DYNC1H1: variants seen among roughly 807,000 people sequenced by gnomAD.
The protein encoded by DYNC1H1 is cytoplasmic dynein 1 heavy chain 1.
In DYNC1H1, 51 loss-of-function variants were observed where a neutral mutation model predicts 527.1. The observed-to-expected ratio is 0.10, with a 90% CI of 0.08 to 0.12. The LOEUF is 0.12. DYNC1H1 is among the 10% of genes least tolerant of loss of function. DYNC1H1 has a pLI of 1.00. For missense variants in DYNC1H1, 2,771 were observed against 5,971.8 expected, an observed-to-expected ratio of 0.46 and a Z score of 17.66; for synonymous variants, 2,189 against 2,278.8, an observed-to-expected ratio of 0.96 and a Z score of 1.12.
At position 101,994,285 on chromosome 14, in the gene DYNC1H1, T is replaced by C; in HGVS notation, c.3117T>C (p.Ala1039=). The C allele has an allele frequency of 6.2e-7, 1 of 1,614,232 alleles. No homozygotes were observed. Among genetic ancestry groups the C allele is most frequent in the Non-Finnish European group, 8.5e-7 (1 of 1,180,044 alleles). Residue 1039 remains alanine (A), a synonymous_variant, in exon 12 of 78, where the codon GCT becomes GCC. Transcript: ENST00000360184. ...GPVALEESYS[A]VMGIVSEVEQ... Reference sequence around the variant, plus strand: ...TTGCCCTGGAAGAGTCGTATTCTGCTGTCATGGGCATTGTATCTGAAGTTG... The same window carrying C: ...TTGCCCTGGAAGAGTCGTATTCTGCCGTCATGGGCATTGTATCTGAAGTTG...
rs1211514199 is a variant in DYNC1H1 at position 102,002,412 on chromosome 14, C to T, written c.4543-125C>T. 1 of 1,349,354 alleles carries T rather than the reference C, an allele frequency of 7.4e-7. No individual in the cohort carries two copies. The highest frequency in any genetic ancestry group is 1.1e-6 in the Non-Finnish European group (1 of 950,688). 83.6% of individuals were successfully genotyped at this position (1,349,354 alleles called of 1,614,324 possible). ...AGGCGTGAGCCACCACACCCGTCTA[C>T]TTGTTGTTTAAAATGTGAATCAGAT... is the stretch of plus-strand genomic sequence containing the variant. On this transcript the variant is annotated intron_variant, in intron 21 of 77. Transcript: ENST00000360184. This position sits in a 1 kb window ranked among gnomAD's most constrained non-coding sequence, Gnocchi z 4.4.
rs1272503558 is a variant in DYNC1H1, at chr14:102,039,961, C to T, written c.11690+229C>T. Among the ~76,000 whole-genome samples the T allele has an allele frequency of 6.6e-6, 1 of 152,186 alleles. No individual in the cohort carries two copies. The highest frequency in any genetic ancestry group is 1.9e-4 in the East Asian group (1 of 5,202). On this transcript the variant is annotated intron_variant, in intron 62 of 77. Transcript: ENST00000360184. The surrounding 1 kb of genome is among the most constrained non-coding windows in gnomAD (Gnocchi z 7.0). ...CAAGCAATTCTCCTGCTTCAGTCTC[C>T]GAAGTAGCTAGGACTATAGGCGCAG...
At position 102,042,343 on chromosome 14, in the gene DYNC1H1, G is replaced by A; in HGVS notation, c.12276-41G>A. 6.2e-7 allele frequency: 1 copy of A among 1,614,190 alleles called. No homozygotes were observed. Among genetic ancestry groups the A allele is most frequent in the Non-Finnish European group, 8.5e-7 (1 of 1,180,046 alleles). ...CCTTAGTCCCCAGGCATTCAGGCAG[G>A]CAGCCTGGCATGCTGTGTGACTCTC... On this transcript the variant is annotated intron_variant, in intron 67 of 77. Transcript: ENST00000360184. The surrounding 1 kb of genome is among the most constrained non-coding windows in gnomAD (Gnocchi z 5.7).
At position 102,012,617 on chromosome 14, in the gene DYNC1H1, C is replaced by G. The variant is rs1355962924; in HGVS notation, c.7014+147C>G. ...TAAGTAATTTTCAAAGATAGCATCT[C>G]AACTGCTAGATTTTTTTTCCATTTC... On this transcript the variant is annotated intron_variant, in intron 34 of 77. Coordinates refer to ENST00000360184, the MANE Select transcript of DYNC1H1 (RefSeq NM_001376.5). This position sits in a 1 kb window ranked among gnomAD's most constrained non-coding sequence, Gnocchi z 4.9. 8.9e-7 allele frequency: 1 copy of G among 1,124,676 alleles called. No homozygotes were observed. Among genetic ancestry groups the G allele is most frequent in the Non-Finnish European group, 1.3e-6 (1 of 759,038 alleles). The allele number at this position is 1,124,676 out of a possible 1,614,324, so 69.7% of individuals were successfully genotyped here. A position where few individuals can be genotyped will look rare whatever the true frequency, so the allele number is the denominator to read the frequency against.
rs918074316 is a variant in DYNC1H1, at chr14:102,049,955, T to C, written c.13684+73T>C. 4.0e-6 allele frequency: 6 copies of C among 1,510,630 alleles called. No individual in the cohort carries two copies. The highest frequency in any genetic ancestry group is 5.3e-6 in the Non-Finnish European group (6 of 1,130,102). 93.6% of individuals were successfully genotyped at this position (1,510,630 alleles called of 1,614,324 possible). On this transcript the variant is annotated intron_variant, in intron 76 of 77. Coordinates refer to ENST00000360184, the MANE Select transcript of DYNC1H1 (RefSeq NM_001376.5). This position sits in a 1 kb window ranked among gnomAD's most constrained non-coding sequence, Gnocchi z 5.5. Reference sequence around the variant, plus strand: ...GTGGCCTGAGACCATTGTTCCCAGATACATGCACTTAGGGTGACCGGCTGG... The same window carrying C: ...GTGGCCTGAGACCATTGTTCCCAGACACATGCACTTAGGGTGACCGGCTGG...
Position 102,000,637 on chromosome 14 carries a change from T to C in DYNC1H1, c.4074+238T>C, listed in dbSNP as rs17540971. 2,784 of 509,376 alleles carry C rather than the reference T, an allele frequency of 5.5e-3. 60 individuals carry two copies. Among genetic ancestry groups the C allele is most frequent in the Admixed American group, 0.033 (1,025 of 31,244 alleles). The allele number at this position is 509,376 out of a possible 1,614,324, so 31.6% of individuals were successfully genotyped here. On this transcript the variant is annotated intron_variant, in intron 18 of 77. Coordinates refer to ENST00000360184, the MANE Select transcript of DYNC1H1 (RefSeq NM_001376.5). ...TTGCCCAGGCTGGAGTGCAATGGCA[T>C]GATCTCGGCTCACTGCAACCTCCGC...
At chr14:102,034,295 A>T (rs2048545211) in intron 55 of DYNC1H1, 30 bp from the exon 56 acceptor site, 7 of 1,614,124 alleles carry the variant, frequency 4.3e-6, no homozygotes, top group Non-Finnish European at 5.9e-6. Flanking sequence ...GGCTGTGAAG[A>T]GGAGGAAAGG....
At chr14:102,023,153 A>C (rs1383901373) in intron 43 of DYNC1H1, 2 of 426,726 alleles carry the variant, frequency 4.7e-6, no homozygotes, top group Non-Finnish European at 8.8e-6. Flanking sequence ...TGGTCCCAGC[A>C]ACTTGGGAGG....
chr14:102,015,465 G>A lies in DYNC1H1; in HGVS notation c.7242+133G>A, dbSNP rs1160294721. The stretch of plus-strand genomic sequence containing the variant: ...TCCACCTGCCTTGGCCTCTCAAAGT[G>A]CTGGGATTACAGGCATGAGTCACTG... On this transcript the variant is annotated intron_variant, in intron 35 of 77. Transcript: ENST00000360184. The surrounding 1 kb of genome is among the most constrained non-coding windows in gnomAD (Gnocchi z 6.9). The A allele has an allele frequency of 1.9e-5, 21 of 1,077,030 alleles. No homozygotes were observed. Among genetic ancestry groups the A allele is most frequent in the Non-Finnish European group, 1.7e-5 (13 of 756,550 alleles). 66.7% of individuals were successfully genotyped at this position (1,077,030 alleles called of 1,614,324 possible).
In DYNC1H1 at chr14:101,983,692, G is replaced by A. The variant is rs867582389; in HGVS notation, c.1461+83G>A. On this transcript the variant is annotated intron_variant, in intron 7 of 77. Coordinates refer to ENST00000360184, the MANE Select transcript of DYNC1H1 (RefSeq NM_001376.5). The surrounding 1 kb of genome is among the most constrained non-coding windows in gnomAD (Gnocchi z 5.3). ...TTGGTGTTTTTTTTTTGTTGTTGTT[G>A]TTGAGATGAAGTTTCACTCTTGTTG... 54 of 1,457,450 alleles carry A rather than the reference G, an allele frequency of 3.7e-5. No homozygotes were observed. Among genetic ancestry groups the A allele is most frequent in the Middle Eastern group, 2.3e-4 (1 of 4,362 alleles). The allele number at this position is 1,457,450 out of a possible 1,614,324, so 90.3% of individuals were successfully genotyped here. A position where few individuals can be genotyped will look rare whatever the true frequency, so the allele number is the denominator to read the frequency against.
At chr14:102,024,422 G>A (rs56286089) in intron 43 of DYNC1H1, among the ~76,000 whole-genome samples, 18,650 of 152,096 alleles carry the variant, frequency 0.12, 1,874 homozygotes, top group African/African-American at 0.28. Context: ...GATAACTCAG[G>A]CTGGGAAGAG....
At chr14:101,996,953 C>T (rs193068917) in intron 15 of DYNC1H1, 82 bp from the exon 16 acceptor site, 34 of 1,541,222 alleles carry the variant, frequency 2.2e-5, no homozygotes, top group Admixed American at 9.8e-5. Context: ...TATAAAGTGC[C>T]TTCTCTTTCA....
chr14:102,044,714 C>T lies in DYNC1H1; in HGVS notation c.13006+16C>T. ...ACCACACAGGGTAGGCAACAAGGAT[C>T]CTCCCCACACGCAGGGTGGGTGGCG... On this transcript the variant is annotated intron_variant, in intron 72 of 77. Transcript: ENST00000360184. The surrounding 1 kb of genome is among the most constrained non-coding windows in gnomAD (Gnocchi z 7.1). The T allele has an allele frequency of 1.9e-6, 3 of 1,612,982 alleles. No homozygotes were observed. Among genetic ancestry groups the T allele is most frequent in the Non-Finnish European group, 2.5e-6 (3 of 1,179,936 alleles).
At chr14:101,994,065 T>C (rs2048028270) in intron 11 of DYNC1H1, 119 bp from the exon 12 acceptor site, 1 of 1,486,896 alleles carries the variant, frequency 6.7e-7, no homozygotes, top group Non-Finnish European at 9.4e-7. Flanking sequence ...ATGTTATCCC[T>C]TAAATGCCAT....
Position 101,986,906 on chromosome 14 carries a change from C to G in DYNC1H1, c.2538+143C>G, listed in dbSNP as rs1374261538. On this transcript the variant is annotated intron_variant, in intron 8 of 77. Coordinates refer to ENST00000360184, the MANE Select transcript of DYNC1H1 (RefSeq NM_001376.5). The surrounding 1 kb of genome is among the most constrained non-coding windows in gnomAD (Gnocchi z 8.7). ...CATGTGAGCTGCAAGGGAGGAGGAC[C>G]CTTTGTACTCACCGGGCTATTTAAT... 1.7e-5 allele frequency: 18 copies of G among 1,035,212 alleles called. No individual in the cohort carries two copies. The highest frequency in any genetic ancestry group is 2.5e-5 in the Non-Finnish European group (17 of 671,228). The allele number at this position is 1,035,212 out of a possible 1,614,324, so 64.1% of individuals were successfully genotyped here.
intron 44 of DYNC1H1, 130 bp downstream of exon 44, chr14:102,026,837 C>A: frequency 7.4e-7 from 1 of 1,358,208 alleles, no homozygotes; most frequent in Non-Finnish European, 1.0e-6. Flanking sequence ...AAGCAGCTTC[C>A]CCCTTCTCTT....
In DYNC1H1 at chr14:102,001,432, C is replaced by A. The variant is rs372841424; in HGVS notation, c.4395+78C>A. On this transcript the variant is annotated intron_variant, in intron 20 of 77. Coordinates refer to ENST00000360184, the MANE Select transcript of DYNC1H1 (RefSeq NM_001376.5). The surrounding 1 kb of genome is among the most constrained non-coding windows in gnomAD (Gnocchi z 5.0). ...AGATCTGAGCTATGTAAAAATGGAG[C>A]CTTGTCATCTGTGGTCCTTTTGGTT... 24 of 1,612,538 alleles carry A rather than the reference C, an allele frequency of 1.5e-5. No homozygotes were observed. The highest frequency in any genetic ancestry group is 1.9e-5 in the Non-Finnish European group (22 of 1,178,860).
chr14:101,989,610 C>T lies in DYNC1H1; in HGVS notation c.2868+758C>T, dbSNP rs17512138. 5.5e-3 allele frequency among the ~76,000 whole-genome samples: 843 copies of T among 152,296 alleles called. 17 individuals are homozygous for T. Among genetic ancestry groups the T allele is most frequent in the East Asian group, 0.037 (190 of 5,188 alleles). On this transcript the variant is annotated intron_variant, in intron 10 of 77. Coordinates refer to ENST00000360184, the MANE Select transcript of DYNC1H1 (RefSeq NM_001376.5). ...AAAGGACTCACAAAACAGTAAAAACCTTGATCTGGGAGAAACAGTTGGCTT... is the reference window on the plus strand; with the variant it reads ...AAAGGACTCACAAAACAGTAAAAACTTTGATCTGGGAGAAACAGTTGGCTT...
At position 102,015,237 on chromosome 14, in the gene DYNC1H1, C is replaced by T. The variant is rs773952714; in HGVS notation, c.7147C>T (p.Arg2383Cys). The T allele has an allele frequency of 3.2e-5, 51 of 1,614,202 alleles. No homozygotes were observed. Among genetic ancestry groups the T allele is most frequent in the Non-Finnish European group, 3.9e-5 (46 of 1,180,034 alleles). The change falls in exon 35 of 78, where the codon CGC becomes TGC. Residue 2383 changes from arginine (R) to cysteine (C), a missense_variant. This residue lies in a region of DYNC1H1 where 122 missense variants were observed against 168.4 expected (regional missense o/e 0.72). Transcript: ENST00000360184. The surrounding 1 kb of genome is among the most constrained non-coding windows in gnomAD (Gnocchi z 6.9). Reference protein sequence around the residue: ...MIFNNFLARLRSIPLDEGEDE... With the variant: ...MIFNNFLARLCSIPLDEGEDE... ...CTTCAACAACTTCCTGGCCAGGCTG[C>T]GCAGCATCCCGCTGGATGAAGGGGA...
Sources: gnomAD v4.1 joint callset for allele counts (sites outside exome capture counted in the v4.1 genomes callset) on GRCh38, gnomAD v4.1.1 for gene constraint, gnomAD v4.1.1 regional missense constraint, Gnocchi (gnomAD v3.1) non-coding constraint, MANE v1.5 for transcripts, NCBI Gene and HGNC (gene_info 2026-07-23, HGNC 2026-07-21) for gene names.